Variants in NAF1 observed in about 807,000 individuals in gnomAD.
NAF1 encodes H/ACA ribonucleoprotein complex non-core subunit NAF1.
A neutral mutation model predicts 40.6 loss-of-function variants in NAF1; 11 were observed. The observed-to-expected ratio is 0.27, with a 90% CI of 0.17 to 0.45. The LOEUF (loss-of-function observed/expected upper bound fraction) is 0.45, where lower values mean the gene tolerates loss of function less well. Ranked by LOEUF, NAF1 falls within the 20% of genes least tolerant of loss-of-function variation. The pLI is 1.00. For missense variants in NAF1, 607 were observed against 611.1 expected, an observed-to-expected ratio of 0.99 and a Z score of 0.07; for synonymous variants, 260 against 228.5, an observed-to-expected ratio of 1.14 and a Z score of -1.24.
intron 3 of NAF1, among the ~76,000 whole-genome samples, chr4:163,146,943 T>C (rs1731495108): frequency 6.6e-6 from 1 of 152,202 alleles, no homozygotes; most frequent in Admixed American, 6.5e-5. Context: ...ACGTCAGAGT[T>C]TACATTTATT....
intron 2 of NAF1, among the ~76,000 whole-genome samples, chr4:163,114,867 T>C (rs1471272409): frequency 6.6e-6 from 1 of 152,180 alleles, no homozygotes; most frequent in Non-Finnish European, 1.5e-5. Flanking sequence ...TGTGGGAAGA[T>C]TCTTTTATTT....
chr4:163,142,885 A>G (rs1223867291), intron 4 of NAF1, among the ~76,000 whole-genome samples: 2 of 152,202 alleles, frequency 1.3e-5, no homozygotes, highest in South Asian at 2.1e-4. Flanking sequence ...ACTTCTCCTC[A>G]TACAGCTCCA....
chr4:163,148,445 A>G lies in NAF1; in HGVS notation c.541-11T>C. The G allele has an allele frequency of 6.6e-7, 1 of 1,505,440 alleles. No individual in the cohort carries two copies. The highest frequency in any genetic ancestry group is 9.0e-7 in the Non-Finnish European group (1 of 1,112,556). The allele number at this position is 1,505,440 out of a possible 1,614,324, so 93.3% of individuals were successfully genotyped here. On this transcript the variant is annotated splice_polypyrimidine_tract_variant and intron_variant, in intron 2 of 7. Transcript: ENST00000274054. Reference sequence around the variant, plus strand: ...AACAGAAGGCAGTTCCTATAATTTAAAACAAAACAAAACATTAAACTTCCT... The same window carrying G: ...AACAGAAGGCAGTTCCTATAATTTAGAACAAAACAAAACATTAAACTTCCT...
chr4:163,140,448 T>C, intron 4 of NAF1, 65 bp from the exon 5 acceptor site: 5 of 1,421,070 alleles, frequency 3.5e-6, no homozygotes, highest in Non-Finnish European at 4.8e-6. Context: ...TCAGCAGTGT[T>C]TTCTTTTAAA....
chr4:163,127,371 C>T (rs2110862070), downstream of NAF1, among the ~76,000 whole-genome samples: 1 of 152,152 alleles, frequency 6.6e-6, no homozygotes, highest in African/African-American at 2.4e-5. Flanking sequence ...CTCAGGTGAT[C>T]CACCCACCTC....
At chr4:163,109,915 A>G (rs750114937), downstream of NAF1, among the ~76,000 whole-genome samples, 4 of 152,250 alleles carry the variant, frequency 2.6e-5, no homozygotes, top group Non-Finnish European at 5.9e-5. Context: ...AAATGAAAAC[A>G]TAATTAGTTA....
downstream of NAF1, among the ~76,000 whole-genome samples, chr4:163,107,790 A>AT (rs1340167867): frequency 3.3e-5 from 5 of 152,064 alleles, no homozygotes; most frequent in East Asian, 9.7e-4. Flanking sequence ...CTTTTTAGAT[A>AT]TTTTTTCCCT....
chr4:163,148,050 C>CT (rs1421154270), intron 3 of NAF1, among the ~76,000 whole-genome samples: 2 of 152,106 alleles, frequency 1.3e-5, no homozygotes, highest in Non-Finnish European at 2.9e-5. Flanking sequence ...CTGTAAGTCA[C>CT]TAAGTTTGCA....
intron 7 of NAF1, among the ~76,000 whole-genome samples, chr4:163,132,671 G>C (rs1370721860): frequency 6.6e-6 from 1 of 152,170 alleles, no homozygotes; most frequent in African/African-American, 2.4e-5. Context: ...CAATATCCTG[G>C]CTGGGACAGT....
chr4:163,131,146 C>T (rs951688260), intron 7 of NAF1, among the ~76,000 whole-genome samples: 2 of 152,208 alleles, frequency 1.3e-5, no homozygotes, highest in African/African-American at 4.8e-5. Flanking sequence ...GCTGGGATTA[C>T]AGGCATTGGG....
intron 4 of NAF1, among the ~76,000 whole-genome samples, chr4:163,141,213 A>C (rs1487237893): frequency 2.0e-5 from 3 of 152,110 alleles, no homozygotes; most frequent in Non-Finnish European, 4.4e-5. Context: ...AAAAATACAA[A>C]AATTAGCCGG....
At chr4:163,148,020 T>C (rs943525221) in intron 3 of NAF1, among the ~76,000 whole-genome samples, 17 of 152,052 alleles carry the variant, frequency 1.1e-4, no homozygotes, top group African/African-American at 3.6e-4. Context: ...ACATGAGAAC[T>C]GTATGATAAA....
At chr4:163,124,611 T>C (rs146156595), downstream of NAF1, among the ~76,000 whole-genome samples, 341 of 152,342 alleles carry the variant, frequency 2.2e-3, no homozygotes, top group African/African-American at 7.6e-3. Context: ...TTTTTCTATA[T>C]GTTTTCGATC....
rs930674093 is a variant in NAF1 at position 163,133,911 on chromosome 4, G to A, written c.931-655C>T. ...TCCTGCCTTAGCCTCCTGAGTAGCTGGGATTACAGGCGCACGCCACCATGC... is the reference window on the plus strand; with the variant it reads ...TCCTGCCTTAGCCTCCTGAGTAGCTAGGATTACAGGCGCACGCCACCATGC... On this transcript the variant is annotated intron_variant, in intron 6 of 7. Coordinates refer to ENST00000274054, the MANE Select transcript of NAF1 (RefSeq NM_138386.3). 6.6e-5 allele frequency among the ~76,000 whole-genome samples: 10 copies of A among 152,036 alleles called. 1 individual carries two copies. Among genetic ancestry groups the A allele is most frequent in the Admixed American group, 3.9e-4 (6 of 15,276 alleles).
chr4:163,121,449 G>A (rs1730515984), intron 2 of NAF1, among the ~76,000 whole-genome samples: 1 of 152,104 alleles, frequency 6.6e-6, no homozygotes, highest in Middle Eastern at 3.2e-3. Context: ...TATCCCGAAT[G>A]CACTAAATCA....
Position 163,166,431 on chromosome 4 carries a change from T to G in NAF1, c.297A>C (p.Pro99=). The change falls in exon 1 of 8, where the codon CCA becomes CCC. Residue 99 remains proline, a synonymous_variant. Coordinates refer to ENST00000274054, the MANE Select transcript of NAF1 (RefSeq NM_138386.3). ...SPACGDCVTS[P]GAAEPARAPD... ...GCGCCCGCGCAGGCTCTGCGGCTCCTGGGGAGGTGACGCAGTCTCCGCAGG... is the reference window on the plus strand; with the variant it reads ...GCGCCCGCGCAGGCTCTGCGGCTCCGGGGGAGGTGACGCAGTCTCCGCAGG... 6.2e-7 allele frequency: 1 copy of G among 1,607,988 alleles called. No homozygotes were observed. The highest frequency in any genetic ancestry group is 8.5e-7 in the Non-Finnish European group (1 of 1,177,194).
downstream of NAF1, among the ~76,000 whole-genome samples, chr4:163,108,019 T>C (rs563535484): frequency 3.2e-4 from 49 of 152,360 alleles, no homozygotes; most frequent in African/African-American, 1.1e-3. Flanking sequence ...TTGCAGAACA[T>C]TGTCAAGTAT....
chr4:163,147,256 T>G (rs1489010749), intron 3 of NAF1, among the ~76,000 whole-genome samples: 3 of 152,104 alleles, frequency 2.0e-5, no homozygotes, highest in Non-Finnish European at 4.4e-5. Context: ...TAGAAAAAAG[T>G]CAAAAGAAAA....
At chr4:163,124,320 G>A (rs1408549973), downstream of NAF1, among the ~76,000 whole-genome samples, 1 of 152,150 alleles carries the variant, frequency 6.6e-6, no homozygotes, top group Non-Finnish European at 1.5e-5. Context: ...CCTCCAGAGG[G>A]AGGAATACTG....
Sources: gnomAD v4.1 joint callset for allele counts (sites outside exome capture counted in the v4.1 genomes callset) on GRCh38, gnomAD v4.1.1 for gene constraint, MANE v1.5 for transcripts, NCBI Gene and HGNC (gene_info 2026-07-23, HGNC 2026-07-21) for gene names.